SNCAIP: variants seen among roughly 807,000 people sequenced by gnomAD.
SNCAIP encodes synuclein alpha interacting protein.
SNCAIP carries 43 observed loss-of-function variants against 86.7 expected under a neutral mutation model. That is an observed-to-expected ratio of 0.50 (90% CI 0.39 to 0.64). The LOEUF is 0.64. Ranked by LOEUF, SNCAIP falls within the 30% of genes least tolerant of loss-of-function variation. The pLI is 0.00. For missense variants in SNCAIP, 981 were observed against 1,103.1 expected (o/e 0.89, Z 1.57); for synonymous variants, 417 against 427.2 (o/e 0.98, Z 0.29).
rs1207195950 is a variant in SNCAIP, at chr5:122,451,354, A to G, written c.2507A>G (p.Lys836Arg). ...EQPSLELNGE[K>R]DKDKGRTLQR... The stretch of plus-strand genomic sequence containing the variant: ...CCTAGCCTTGAACTGAATGGAGAAA[A>G]AGACAAAGATAAGGGCAGGACTCTC... Residue 836 changes from lysine to arginine, a missense_variant, in exon 10 of 11, where the codon AAA becomes AGA. By Grantham distance (26) the Lys-to-Arg change is conservative (BLOSUM62 2). Transcript: ENST00000261368. 1.2e-6 allele frequency: 2 copies of G among 1,614,040 alleles called. No individual in the cohort carries two copies. Among genetic ancestry groups the G allele is most frequent in the African/African-American group, 2.7e-5 (2 of 74,910 alleles).
chr5:122,444,193 C>G (rs772120689), intron 7 of SNCAIP: 8 of 466,986 alleles, frequency 1.7e-5, no homozygotes, highest in Non-Finnish European at 3.0e-5. Context: ...CAAATGAGAA[C>G]AGGTAAGATT....
intron 1 of SNCAIP, among the ~76,000 whole-genome samples, chr5:122,316,069 A>G (rs1751654351): frequency 6.6e-6 from 1 of 152,250 alleles, no homozygotes. Context: ...TGATTAAAAG[A>G]GATAAATTGA....
chr5:122,328,847 C>G (rs1754675497), intron 1 of SNCAIP, among the ~76,000 whole-genome samples: 1 of 152,176 alleles, frequency 6.6e-6, no homozygotes, highest in Non-Finnish European at 1.5e-5. Flanking sequence ...GTCCCTTACC[C>G]TTTTCTAGCC....
chr5:122,327,836 G>T (rs1050101319), intron 1 of SNCAIP, among the ~76,000 whole-genome samples: 6 of 152,170 alleles, frequency 3.9e-5, no homozygotes, highest in Admixed American at 6.5e-5. Flanking sequence ...AGAAACATTT[G>T]TATGTCAGTA....
At position 122,425,416 on chromosome 5, in the gene SNCAIP, T is replaced by C; in HGVS notation, c.1067T>C (p.Ile356Thr). ...HDENGNNLLH[I>T]AASQGHAECL... ...GAAAATGGAAACAATCTATTACATA[T>C]TGCGGCGTCACAGGGACACGCAGAG... The change falls in exon 5 of 11, where the codon ATT (isoleucine) becomes ACT (threonine). Residue 356 changes from isoleucine to threonine, a missense_variant. Physicochemically the swap from Ile to Thr is moderately conservative, Grantham distance 89. Coordinates refer to ENST00000261368, the MANE Select transcript of SNCAIP (RefSeq NM_005460.4). 1 of 1,613,974 alleles carries C rather than the reference T, an allele frequency of 6.2e-7. No individual in the cohort carries two copies. The highest frequency in any genetic ancestry group is 8.5e-7 in the Non-Finnish European group (1 of 1,179,852).
chr5:122,386,043 A>G (rs943175604), intron 1 of SNCAIP, among the ~76,000 whole-genome samples: 13 of 152,314 alleles, frequency 8.5e-5, no homozygotes, highest in African/African-American at 3.1e-4. Flanking sequence ...TCACAAATCA[A>G]TGTGCCTTTT....
chr5:122,380,455 T>C (rs1345240302), intron 1 of SNCAIP, among the ~76,000 whole-genome samples: 3 of 150,852 alleles, frequency 2.0e-5, no homozygotes, highest in East Asian at 3.9e-4. Context: ...GTCTTGCTAG[T>C]GGTCTATCAA....
intron 2 of SNCAIP, among the ~76,000 whole-genome samples, chr5:122,398,874 A>G (rs1324617600): frequency 6.6e-6 from 1 of 152,146 alleles, no homozygotes; most frequent in African/African-American, 2.4e-5. Flanking sequence ...ACGCACTGTC[A>G]TTATGAATCT....
At chr5:122,393,570 A>G (rs557478837) in intron 2 of SNCAIP, among the ~76,000 whole-genome samples, 4 of 152,144 alleles carry the variant, frequency 2.6e-5, no homozygotes, top group Non-Finnish European at 5.9e-5. Flanking sequence ...CCCCAGAAAC[A>G]TTTAACAATA....
intron 1 of SNCAIP, among the ~76,000 whole-genome samples, chr5:122,385,116 A>G (rs1392190604): frequency 1.3e-5 from 2 of 152,146 alleles, no homozygotes; most frequent in Non-Finnish European, 2.9e-5. Flanking sequence ...TCCAAGGTCT[A>G]GATTGGGTGC....
In SNCAIP at chr5:122,327,754, C is replaced by T. The variant is rs527563963; in HGVS notation, c.-47+15470C>T. ...GATAGTTCTTACAGCAGTGTGAAAA[C>T]GGACTTATATAGGTACATTTCTTTG... is the stretch of plus-strand genomic sequence containing the variant. On this transcript the variant is annotated intron_variant, in intron 1 of 10. Transcript: ENST00000261368. Among the ~76,000 whole-genome samples, 10 of 152,264 alleles carry T rather than the reference C, an allele frequency of 6.6e-5. No homozygotes were observed. The South Asian group carries it at 1.2e-3, about 19-fold the overall frequency.
At chr5:122,319,719 G>T (rs574425867) in intron 1 of SNCAIP, among the ~76,000 whole-genome samples, 1 of 152,200 alleles carries the variant, frequency 6.6e-6, no homozygotes, top group Non-Finnish European at 1.5e-5. Flanking sequence ...TGATGCAGAA[G>T]GAAGATATTA....
intron 1 of SNCAIP, among the ~76,000 whole-genome samples, chr5:122,325,690 A>G (rs965460742): frequency 9.2e-5 from 14 of 152,226 alleles, no homozygotes; most frequent in East Asian, 1.9e-4. Flanking sequence ...GGAATTTAGT[A>G]TAACTATTAG....
intron 3 of SNCAIP, among the ~76,000 whole-genome samples, chr5:122,418,603 CG>C (rs1775767399): frequency 6.6e-6 from 1 of 152,030 alleles, no homozygotes; most frequent in Admixed American, 6.6e-5. Flanking sequence ...TCTCATTTTT[CG>C]AATAGGGAAT....
intron 8 of SNCAIP, among the ~76,000 whole-genome samples, chr5:122,447,190 G>A (rs151231234): frequency 6.6e-6 from 1 of 152,314 alleles, no homozygotes; most frequent in East Asian, 1.9e-4. Context: ...GAAGCTAGGA[G>A]AGAAGCAAGG....
Position 122,337,068 on chromosome 5 carries a change from G to A in SNCAIP, c.-47+24784G>A, listed in dbSNP as rs373483204. ...AGAAATGATGCAAAATGTGGCAGGAGTCAGAGGTGAACTTGGGTCTACTGA... is the reference window on the plus strand; with the variant it reads ...AGAAATGATGCAAAATGTGGCAGGAATCAGAGGTGAACTTGGGTCTACTGA... On this transcript the variant is annotated intron_variant, in intron 1 of 10. Transcript: ENST00000261368. 2.6e-5 allele frequency among the ~76,000 whole-genome samples: 4 copies of A among 152,206 alleles called. No individual in the cohort carries two copies. In the East Asian group the frequency reaches 7.7e-4, roughly 29 times the overall value.
chr5:122,369,775 G>T (rs942299814), intron 1 of SNCAIP: 5 of 152,208 alleles, frequency 3.3e-5, no homozygotes, highest in African/African-American at 1.2e-4. Flanking sequence ...GACCATGTAT[G>T]TGCCTCTGAG....
chr5:122,332,116 A>T (rs1755479064), intron 1 of SNCAIP, among the ~76,000 whole-genome samples: 1 of 152,248 alleles, frequency 6.6e-6, no homozygotes. Flanking sequence ...AAGATGCATC[A>T]ATAGGAAAAT....
intron 10 of SNCAIP, among the ~76,000 whole-genome samples, chr5:122,460,808 C>T (rs529368737): frequency 3.5e-4 from 53 of 152,266 alleles, no homozygotes; most frequent in Non-Finnish European, 6.5e-4. Flanking sequence ...CATCTTTTAG[C>T]ACCCTCAGAC....
Sources: gnomAD v4.1 joint callset for allele counts (sites outside exome capture counted in the v4.1 genomes callset) on GRCh38, gnomAD v4.1.1 for gene constraint, MANE v1.5 for transcripts, NCBI Gene and HGNC (gene_info 2026-07-23, HGNC 2026-07-21) for gene names.